The following ATXN7L1 variants were observed in gnomAD, a reference collection of about 807,000 sequenced individuals.
ATXN7L1 encodes ataxin-7-like protein 1.
A neutral mutation model predicts 70.8 loss-of-function variants in ATXN7L1; 15 were observed. The observed-to-expected ratio is 0.21, with a 90% CI of 0.14 to 0.33. ATXN7L1 has a LOEUF of 0.33. ATXN7L1 is among the 10% of genes least tolerant of loss of function. ATXN7L1 has a pLI of 1.00. For missense variants in ATXN7L1, 975 were observed against 1,097.1 expected (o/e 0.89, Z 1.57); for synonymous variants, 440 against 445.1 (o/e 0.99, Z 0.14).
At chr7:105,748,706 T>A (rs1263995584) in intron 3 of ATXN7L1, among the ~76,000 whole-genome samples, 2 of 152,142 alleles carry the variant, frequency 1.3e-5, no homozygotes, top group African/African-American at 2.4e-5. Flanking sequence ...GCTTTTGCAC[T>A]GTGTACCTCT....
chr7:105,692,469 T>C (rs528845362), intron 3 of ATXN7L1, among the ~76,000 whole-genome samples: 1 of 112,560 alleles, frequency 8.9e-6, no homozygotes, highest in Non-Finnish European at 1.8e-5. Flanking sequence ...TTTTTTGAGA[T>C]GGAGTCTGGC....
chr7:105,773,557 C>T (rs1420021329), intron 3 of ATXN7L1, among the ~76,000 whole-genome samples: 2 of 152,152 alleles, frequency 1.3e-5, no homozygotes, highest in Non-Finnish European at 2.9e-5. Context: ...TCTGTCTGCT[C>T]TTTCACTTCT....
chr7:105,782,129 T>C (rs61365731), intron 3 of ATXN7L1, among the ~76,000 whole-genome samples: 10,633 of 152,228 alleles, frequency 0.07, 561 homozygotes, highest in East Asian at 0.19. Context: ...CCACTGCGCC[T>C]GGCCTAGAGC....
chr7:105,637,158 G>A (rs977895244), intron 7 of ATXN7L1, among the ~76,000 whole-genome samples: 31 of 152,160 alleles, frequency 2.0e-4, no homozygotes, highest in African/African-American at 7.0e-4. Context: ...ATCTGACCGC[G>A]TCCTCCTGAA....
chr7:105,760,124 G>A, intron 3 of ATXN7L1: 1 of 900,620 alleles, frequency 1.1e-6, no homozygotes, highest in Non-Finnish European at 1.3e-6. Context: ...CATATGCCAA[G>A]TTCTCCTCTT....
In ATXN7L1 at chr7:105,735,628, T is replaced by G. The variant is rs145038916; in HGVS notation, c.355+52976A>C. On this transcript the variant is annotated intron_variant, in intron 3 of 11. Coordinates refer to ENST00000419735, the MANE Select transcript of ATXN7L1 (RefSeq NM_020725.2). ...TACTACCCAGTTTCAACAATTAATA[T>G]CCCGTTAATCCTGTTTAATCTATTC... 2.3e-4 allele frequency among the ~76,000 whole-genome samples: 35 copies of G among 152,278 alleles called. No individual in the cohort carries two copies. In the East Asian group the frequency reaches 6.6e-3, roughly 29 times the overall value.
intron 11 of ATXN7L1, among the ~76,000 whole-genome samples, chr7:105,608,352 T>A (rs575457328): frequency 6.6e-6 from 1 of 152,214 alleles, no homozygotes; most frequent in African/African-American, 2.4e-5. Context: ...AGTGTAGCCA[T>A]CTTCATCTGT....
chr7:105,843,857 C>G (rs1813582456), intron 2 of ATXN7L1, among the ~76,000 whole-genome samples: 1 of 152,198 alleles, frequency 6.6e-6, no homozygotes, highest in African/African-American at 2.4e-5. Flanking sequence ...AAAAAGCTAC[C>G]CCAAAACTCT....
chr7:105,650,714 C>T (rs1799709574), intron 4 of ATXN7L1, among the ~76,000 whole-genome samples: 1 of 152,230 alleles, frequency 6.6e-6, no homozygotes, highest in Admixed American at 6.5e-5. Context: ...TGGGCCAAGA[C>T]TTTGCTCCTC....
chr7:105,703,687 A>G (rs1004965062), intron 3 of ATXN7L1, among the ~76,000 whole-genome samples: 3 of 152,186 alleles, frequency 2.0e-5, no homozygotes, highest in Non-Finnish European at 4.4e-5. Flanking sequence ...CTGTCCCTTC[A>G]GGGATGGTGC....
In ATXN7L1 at chr7:105,752,896, C is replaced by T. The variant is rs548716719; in HGVS notation, c.355+35708G>A. 1.2e-4 allele frequency among the ~76,000 whole-genome samples: 18 copies of T among 152,290 alleles called. No individual in the cohort carries two copies. In the South Asian group the frequency reaches 2.7e-3, roughly 23 times the overall value. Reference sequence around the variant, plus strand: ...GGTACAAAGTGGATTAAGAGCACAGCTGGAAGACCCCAAGATCATCCAAAT... The same window carrying T: ...GGTACAAAGTGGATTAAGAGCACAGTTGGAAGACCCCAAGATCATCCAAAT... On this transcript the variant is annotated intron_variant, in intron 3 of 11. Transcript: ENST00000419735.
chr7:105,790,653 T>C (rs372404453), intron 2 of ATXN7L1, among the ~76,000 whole-genome samples: 10,005 of 85,356 alleles, frequency 0.12, 343 homozygotes, highest in African/African-American at 0.12. Context: ...TATCTATCTA[T>C]CATCTATCTA....
In ATXN7L1 at chr7:105,614,351, G is replaced by A. The variant is rs1036724316; in HGVS notation, c.1983C>T (p.Ser661=). ...GTGGAGACGAGAGGGATGTCTGCAA[G>A]GAAGAGGAGGAGGAGGAGGAGGAGG... ...TSSSSSSSSS[S]LQTSLSSPLS... Residue 661 remains serine, a synonymous_variant, in exon 10 of 12, where the codon TCC becomes TCT. Transcript: ENST00000419735. The surrounding 1 kb of genome is among the most constrained non-coding windows in gnomAD (Gnocchi z 4.3). 5 of 1,552,266 alleles carry A rather than the reference G, an allele frequency of 3.2e-6. No homozygotes were observed. The African/African-American group carries it at 6.8e-5, about 21-fold the overall frequency.
At chr7:105,784,690 C>T (rs975706791) in intron 3 of ATXN7L1, among the ~76,000 whole-genome samples, 3 of 152,130 alleles carry the variant, frequency 2.0e-5, no homozygotes, top group African/African-American at 7.2e-5. Context: ...TCACATCAGT[C>T]ACATCATCCC....
intron 3 of ATXN7L1, among the ~76,000 whole-genome samples, chr7:105,688,490 C>A (rs1265716084): frequency 6.6e-6 from 1 of 152,032 alleles, no homozygotes; most frequent in Non-Finnish European, 1.5e-5. Flanking sequence ...CTGCAGTGAG[C>A]CGTGATCGTG....
rs1232202676 is a variant in ATXN7L1, at chr7:105,727,746, GTATATATATA to G, written c.355+60848_355+60857del. On this transcript the variant is annotated intron_variant, in intron 3 of 11. Transcript: ENST00000419735. The stretch of plus-strand genomic sequence containing the variant: ...CATAGGGGTGTGTGTGTGTATGTGT[GTATATATATA>G]TATATATATATATATATATATACAC... Among the ~76,000 whole-genome samples the G allele has an allele frequency of 2.1e-3, 115 of 55,344 alleles. 1 individual carries two copies. Among genetic ancestry groups the G allele is most frequent in the African/African-American group, 0.01 (106 of 10,234 alleles). The allele number at this position is 55,344 out of a possible 152,430, so 36.3% of individuals were successfully genotyped here. A position where few individuals can be genotyped will look rare whatever the true frequency, so the allele number is the denominator to read the frequency against.
intron 3 of ATXN7L1, among the ~76,000 whole-genome samples, chr7:105,714,379 T>C (rs1794279337): frequency 6.6e-6 from 1 of 152,224 alleles, no homozygotes; most frequent in Non-Finnish European, 1.5e-5. Context: ...GGTCCAGGAA[T>C]CTGTGCTTTA....
At chr7:105,733,451 A>G (rs1039251262) in intron 3 of ATXN7L1, among the ~76,000 whole-genome samples, 6 of 151,256 alleles carry the variant, frequency 4.0e-5, no homozygotes, top group Non-Finnish European at 7.4e-5. Context: ...TACAAAGGTG[A>G]GTAAGATCCA....
At chr7:105,743,951 C>A (rs1456273806) in intron 3 of ATXN7L1, among the ~76,000 whole-genome samples, 1 of 152,166 alleles carries the variant, frequency 6.6e-6, no homozygotes, top group Admixed American at 6.5e-5. Flanking sequence ...TTGTTTTGAG[C>A]AAAGCAAAGC....
Sources: gnomAD v4.1 joint callset for allele counts (sites outside exome capture counted in the v4.1 genomes callset) on GRCh38, gnomAD v4.1.1 for gene constraint, Gnocchi (gnomAD v3.1) non-coding constraint, MANE v1.5 for transcripts, NCBI Gene and HGNC (gene_info 2026-07-23, HGNC 2026-07-21) for gene names.